The following MME variants were observed in gnomAD, a reference collection of about 807,000 sequenced individuals.
MME encodes neprilysin.
A neutral mutation model predicts 113.2 loss-of-function variants in MME; 98 were observed. The ratio of observed to expected loss-of-function variants is 0.87; its 90% CI spans 0.74 to 1.02. MME has a LOEUF of 1.02. MME is among the 50% of genes least tolerant of loss of function. The probability of loss-of-function intolerance (pLI) is 0.00; values close to 1 mark genes in which losing one functional copy is unlikely to be tolerated. For missense variants in MME, 836 were observed against 896.0 expected (o/e 0.93, Z 0.86); for synonymous variants, 292 against 300.6 (o/e 0.97, Z 0.30).
At chr3:155,129,207 G>A (rs901651951) in intron 8 of MME, among the ~76,000 whole-genome samples, 2 of 152,158 alleles carry the variant, frequency 1.3e-5, no homozygotes, top group African/African-American at 4.8e-5. Context: ...AAACTTTAGT[G>A]TGGGGTCTAC....
At chr3:155,150,438 T>C (rs982214437) in intron 16 of MME, among the ~76,000 whole-genome samples, 5 of 152,204 alleles carry the variant, frequency 3.3e-5, no homozygotes, top group Admixed American at 2.0e-4. Flanking sequence ...CATGCTTCAG[T>C]AGTACTTTTT....
At position 155,172,186 on chromosome 3, in the gene MME, C is replaced by A; in HGVS notation, c.2050C>A (p.Gln684Lys). Residue 684 changes from glutamine (Q) to lysine (K), a missense_variant, in exon 21 of 23, where the codon CAA becomes AAA. Gln to Lys is a moderately conservative substitution (Grantham distance 53, BLOSUM62 1). Coordinates refer to ENST00000360490, the MANE Select transcript of MME (RefSeq NM_007289.4). The stretch of plus-strand genomic sequence containing the variant: ...TCCTGGACTTGACCTAAATCACAAA[C>A]AACTATTTTTCTTGAACTTTGCACA... ...LLPGLDLNHK[Q>K]LFFLNFAQVW... 6.2e-7 allele frequency: 1 copy of A among 1,610,596 alleles called. No individual in the cohort carries two copies. Among genetic ancestry groups the A allele is most frequent in the South Asian group, 1.1e-5 (1 of 91,008 alleles).
chr3:155,099,870 T>A (rs2108213100), intron 3 of MME, among the ~76,000 whole-genome samples: 1 of 152,340 alleles, frequency 6.6e-6, no homozygotes, highest in South Asian at 2.1e-4. Context: ...CATGTGCATG[T>A]GTCTTTATAG....
At position 155,063,227 on chromosome 3, in the gene MME, TA is replaced by T. The variant is rs541473222; in HGVS notation, c.-10-20930del. On this transcript the variant is annotated intron_variant, in intron 1 of 22. Transcript: ENST00000492661. ...TATTATATAATAATATACATATGTA[TA>T]TTATTATATATTATATAATAATATA... Among the ~76,000 whole-genome samples the T allele has an allele frequency of 9.2e-3, 1,056 of 114,378 alleles. 66 individuals carry two copies. The highest frequency in any genetic ancestry group is 0.088 in the Admixed American group (815 of 9,276). 75.0% of individuals were successfully genotyped at this position (114,378 alleles called of 152,430 possible).
At chr3:155,150,279 G>C (rs998541095) in intron 16 of MME, among the ~76,000 whole-genome samples, 1 of 152,114 alleles carries the variant, frequency 6.6e-6, no homozygotes, top group Admixed American at 6.6e-5. Flanking sequence ...CGTAGTGCCA[G>C]TTTCATAATC....
chr3:155,159,494 T>A (rs970636071), intron 16 of MME, among the ~76,000 whole-genome samples: 1 of 152,088 alleles, frequency 6.6e-6, no homozygotes, highest in African/African-American at 2.4e-5. Context: ...ATGAGAACTT[T>A]AGTCCTGTTG....
chr3:155,125,444 C>CTTTTTTTCCTT (rs1719563972), intron 8 of MME, among the ~76,000 whole-genome samples: 2 of 65,286 alleles, frequency 3.1e-5, no homozygotes, highest in African/African-American at 1.3e-4. Context: ...GCTCCTCCTC[C>CTTTTTTTCCTT]TTTTTTTTTT....
At chr3:155,067,404 A>G (rs1294966228) in intron 1 of MME, among the ~76,000 whole-genome samples, 5 of 133,600 alleles carry the variant, frequency 3.7e-5, no homozygotes, top group Non-Finnish European at 6.1e-5. Flanking sequence ...TCCACCTCCC[A>G]GGTTCAAACG....
At position 155,142,307 on chromosome 3, in the gene MME, G is replaced by A. The variant is rs1167868895; in HGVS notation, c.1165G>A (p.Glu389Lys). 2 of 1,613,434 alleles carry A rather than the reference G, an allele frequency of 1.2e-6. No homozygotes were observed. The highest frequency in any genetic ancestry group is 1.7e-6 in the Non-Finnish European group (2 of 1,179,578). Residue 389 changes from glutamate (E) to lysine (K), a missense_variant, in exon 12 of 23, where the codon GAG (glutamate) becomes AAG (lysine). Physicochemically the swap from Glu to Lys is moderately conservative, Grantham distance 56. Transcript: ENST00000360490. ...AAGCAGCCTCAGCCGAACCTACAAG[G>A]AGTCCAGAAATGCTTTCCGCAAGGT... ...LVSSLSRTYK[E>K]SRNAFRKALY...
upstream of MME, among the ~76,000 whole-genome samples, chr3:155,075,967 C>G (rs1224290025): frequency 6.6e-6 from 1 of 152,140 alleles, no homozygotes; most frequent in African/African-American, 2.4e-5. Context: ...TTACTATATT[C>G]TTTGCTTATC....
intron 3 of MME, among the ~76,000 whole-genome samples, chr3:155,092,463 A>G (rs954710816): frequency 6.6e-6 from 1 of 152,260 alleles, no homozygotes; most frequent in African/African-American, 2.4e-5. Context: ...AATGTTAAAT[A>G]TATACTTTCC....
At chr3:155,071,291 G>A (rs745677689) in intron 1 of MME, among the ~76,000 whole-genome samples, 6 of 152,146 alleles carry the variant, frequency 3.9e-5, no homozygotes, top group African/African-American at 1.2e-4. Context: ...CCTCATACGC[G>A]TAGCACGTGC....
chr3:155,130,130 A>G (rs985970068), intron 8 of MME, among the ~76,000 whole-genome samples: 1 of 152,220 alleles, frequency 6.6e-6, no homozygotes, highest in African/African-American at 2.4e-5. Context: ...GAGCATAATT[A>G]CATAATAGAT....
intron 8 of MME, 27 bp from the exon 9 acceptor site, chr3:155,138,075 C>A: frequency 6.2e-7 from 1 of 1,612,618 alleles, no homozygotes; most frequent in Non-Finnish European, 8.5e-7. Context: ...GCTACTCCAA[C>A]AGTTTAGTGC....
intron 2 of MME, among the ~76,000 whole-genome samples, 172 bp from the exon 3 acceptor site, chr3:155,084,887 T>A (rs757192823): frequency 7.9e-5 from 12 of 152,212 alleles, no homozygotes; most frequent in Non-Finnish European, 1.5e-4. Context: ...TTTTACTTAT[T>A]TTATTTTCTT....
intron 20 of MME, among the ~76,000 whole-genome samples, chr3:155,171,535 C>T (rs1711972600): frequency 1.3e-5 from 2 of 152,080 alleles, no homozygotes; most frequent in Non-Finnish European, 2.9e-5. Flanking sequence ...ATTCAAATTA[C>T]CTAAATATTT....
intron 1 of MME, among the ~76,000 whole-genome samples, chr3:155,035,884 A>G (rs60351120): frequency 0.097 from 14,735 of 152,174 alleles, 1,185 homozygotes; most frequent in African/African-American, 0.22. Flanking sequence ...TGACATGGAT[A>G]ACTTGGCTGC....
chr3:155,028,033 A>T (rs1307014672), intron 1 of MME, among the ~76,000 whole-genome samples: 2 of 152,192 alleles, frequency 1.3e-5, no homozygotes, highest in Non-Finnish European at 2.9e-5. Flanking sequence ...CTAAAGAGAG[A>T]ATTCTGCCTT....
At position 155,084,160 on chromosome 3, in the gene MME, T is replaced by C; in HGVS notation, c.-8T>C. ...ATTAGTATTTTCATTTTTTGCAGAT[T>C]TTAGGTGATGGGCAAGTCAGAAAGT... On this transcript the variant is annotated splice_region_variant and 5_prime_UTR_variant, in exon 2 of 23. Coordinates refer to ENST00000360490, the MANE Select transcript of MME (RefSeq NM_007289.4). 1 of 1,613,430 alleles carries C rather than the reference T, an allele frequency of 6.2e-7. No homozygotes were observed. The highest frequency in any genetic ancestry group is 1.3e-5 in the African/African-American group (1 of 75,050).
Sources: gnomAD v4.1 joint callset for allele counts (sites outside exome capture counted in the v4.1 genomes callset) on GRCh38, gnomAD v4.1.1 for gene constraint, MANE v1.5 for transcripts, NCBI Gene and HGNC (gene_info 2026-07-23, HGNC 2026-07-21) for gene names.